CACNA1S: variants seen among roughly 807,000 people sequenced by gnomAD.
CACNA1S encodes calcium voltage-gated channel subunit alpha1 S.
Under a neutral mutation model 207.4 loss-of-function variants are expected in CACNA1S, and 126 were observed. The ratio of observed to expected loss-of-function variants is 0.61; its 90% CI spans 0.53 to 0.70. CACNA1S has a LOEUF of 0.70. CACNA1S is among the 30% of genes least tolerant of loss of function. CACNA1S has a pLI of 0.00. For missense variants in CACNA1S, 2,349 were observed against 2,422.8 expected, an observed-to-expected ratio of 0.97 and a Z score of 0.64; for synonymous variants, 960 against 932.7, an observed-to-expected ratio of 1.03 and a Z score of -0.53.
intron 28 of CACNA1S, 125 bp from the exon 29 acceptor site, chr1:201,054,686 C>A (rs1484819539): frequency 3.1e-5 from 10 of 325,744 alleles, no homozygotes; most frequent in Middle Eastern, 9.7e-4. Context: ...GAAAAAGAGG[C>A]AGGGGCTAAA....
Position 201,084,038 on chromosome 1 carries a change from A to C in CACNA1S, c.1233-716T>G, listed in dbSNP as rs981691426. Among the ~76,000 whole-genome samples the C allele has an allele frequency of 2.0e-5, 3 of 152,328 alleles. No individual in the cohort carries two copies. The East Asian group carries it at 5.8e-4, about 29-fold the overall frequency. On this transcript the variant is annotated intron_variant, in intron 9 of 43. Coordinates refer to ENST00000362061, the MANE Select transcript of CACNA1S (RefSeq NM_000069.3). ...ACATTATGGCATATTCATCCTGTGG[A>C]ATGTTTTACATCCAAAGATACAAGA...
chr1:201,097,830 A>G (rs1662494935), intron 2 of CACNA1S, among the ~76,000 whole-genome samples: 1 of 152,068 alleles, frequency 6.6e-6, no homozygotes, highest in Admixed American at 6.6e-5. Context: ...GGTGATTCTG[A>G]TGCCCTTCCC....
chr1:201,065,707 T>C, intron 22 of CACNA1S, 131 bp downstream of exon 22: 1 of 714,144 alleles, frequency 1.4e-6, no homozygotes, highest in Non-Finnish European at 2.6e-6. Context: ...TTTTTCAAAA[T>C]AAAATATTCT....
At position 201,062,466 on chromosome 1, in the gene CACNA1S, A is replaced by G; in HGVS notation, c.2902T>C (p.Cys968Arg). ...TDLSKMTEEE[C>R]RGYYYVYKDG... Reference sequence around the variant, plus strand: ...TGTGCTCCCTGCCCCATGTACCTGCACTCCTCCTCTGTCATCTTGGACAAG... The same window carrying G: ...TGTGCTCCCTGCCCCATGTACCTGCGCTCCTCCTCTGTCATCTTGGACAAG... The change falls in exon 23 of 44, where the codon TGC becomes CGC. Residue 968 changes from cysteine to arginine, a missense_variant. By Grantham distance (180) the Cys-to-Arg change is radical. Transcript: ENST00000362061. 6.2e-7 allele frequency: 1 copy of G among 1,610,870 alleles called. No individual in the cohort carries two copies. Among genetic ancestry groups the G allele is most frequent in the Non-Finnish European group, 8.5e-7 (1 of 1,179,208 alleles).
chr1:201,105,052 C>T (rs960445942), intron 2 of CACNA1S, among the ~76,000 whole-genome samples: 3 of 152,250 alleles, frequency 2.0e-5, no homozygotes, highest in Admixed American at 2.0e-4. Context: ...ATTGTTGCTG[C>T]TGCTGCTGCT....
Position 201,083,170 on chromosome 1 carries a change from C to G in CACNA1S, c.1385G>C (p.Arg462Pro), listed in dbSNP as rs146696298. The G allele has an allele frequency of 6.2e-7, 1 of 1,614,102 alleles. No individual in the cohort carries two copies. The highest frequency in any genetic ancestry group is 8.5e-7 in the Non-Finnish European group (1 of 1,180,026). Reference protein sequence around the residue: ...EHHNQPLWLTRLQDIANRVLL... With the variant: ...EHHNQPLWLTPLQDIANRVLL... The stretch of plus-strand genomic sequence containing the variant: ...ACTCCGTTCCGCCTCACCTTGCAAA[C>G]GGGTCAGCCAGAGAGGCTGGTTGTG... Residue 462 changes from arginine (R) to proline (P), a missense_variant, in exon 10 of 44, where the codon CGT becomes CCT. Coordinates refer to ENST00000362061, the MANE Select transcript of CACNA1S (RefSeq NM_000069.3).
chr1:201,101,736 T>C (rs1662674495), intron 2 of CACNA1S, among the ~76,000 whole-genome samples: 1 of 152,200 alleles, frequency 6.6e-6, no homozygotes, highest in African/African-American at 2.4e-5. Context: ...CTGCCTTGTG[T>C]CTCAGGTCTT....
chr1:201,050,895 G>A, intron 33 of CACNA1S, 89 bp downstream of exon 33: 3 of 1,379,130 alleles, frequency 2.2e-6, no homozygotes, highest in Admixed American at 3.4e-5. Flanking sequence ...CAGGAGAGGT[G>A]GAAACTGGCC....
At chr1:201,095,693 TAATGTGATGATTAA>T (rs1316979301) in intron 2 of CACNA1S, among the ~76,000 whole-genome samples, 1 of 152,208 alleles carries the variant, frequency 6.6e-6, no homozygotes, top group African/African-American at 2.4e-5. Context: ...CAGAAAATGG[TAATGTGATGATTAA>T]AATGCAAAGC....
chr1:201,111,583 C>T (rs1663105919), intron 1 of CACNA1S, among the ~76,000 whole-genome samples: 1 of 152,170 alleles, frequency 6.6e-6, no homozygotes. Context: ...CATTTCTCCC[C>T]TTGGCTCTGT....
chr1:201,105,889 T>C (rs781454996), intron 2 of CACNA1S, among the ~76,000 whole-genome samples: 36 of 152,150 alleles, frequency 2.4e-4, no homozygotes, highest in Non-Finnish European at 4.0e-4. Context: ...ACACGGCAAC[T>C]GAGGGAAGCC....
chr1:201,103,402 A>G (rs1662752924), intron 2 of CACNA1S, among the ~76,000 whole-genome samples: 2 of 152,146 alleles, frequency 1.3e-5, no homozygotes, highest in Admixed American at 1.3e-4. Context: ...CCAGGGAGCT[A>G]GCAAAGCTTG....
intron 38 of CACNA1S, among the ~76,000 whole-genome samples, chr1:201,045,092 A>G (rs1479548235): frequency 6.6e-6 from 1 of 152,214 alleles, no homozygotes; most frequent in Non-Finnish European, 1.5e-5. Context: ...TTGATTGGAT[A>G]TGTCATATAT....
chr1:201,082,359 G>A (rs1457954693), intron 10 of CACNA1S, among the ~76,000 whole-genome samples: 22 of 152,152 alleles, frequency 1.4e-4, no homozygotes, highest in Admixed American at 1.4e-3. Flanking sequence ...CACAAGAATG[G>A]CCTAACACAA....
At position 201,053,332 on chromosome 1, in the gene CACNA1S, C is replaced by G. The variant is rs1660724189; in HGVS notation, c.3796-58G>C. ...TTAGGGCTCCACTGTGTGTCTGCAG[C>G]CCTGCCCTCTGTTAGCTCCCCAGGG... On this transcript the variant is annotated intron_variant, in intron 30 of 43. Coordinates refer to ENST00000362061, the MANE Select transcript of CACNA1S (RefSeq NM_000069.3). The surrounding 1 kb of genome is among the most constrained non-coding windows in gnomAD (Gnocchi z 5.1). 1 of 1,611,608 alleles carries G rather than the reference C, an allele frequency of 6.2e-7. No individual in the cohort carries two copies. Among genetic ancestry groups the G allele is most frequent in the Admixed American group, 1.7e-5 (1 of 59,952 alleles).
At chr1:201,100,405 C>T (rs1662609774) in intron 2 of CACNA1S, among the ~76,000 whole-genome samples, 1 of 152,252 alleles carries the variant, frequency 6.6e-6, no homozygotes, top group Non-Finnish European at 1.5e-5. Context: ...CTGGCATCTC[C>T]ACAAACACCT....
chr1:201,079,598 C>T (rs183235451), intron 10 of CACNA1S, among the ~76,000 whole-genome samples: 149 of 145,898 alleles, frequency 1.0e-3, no homozygotes, highest in African/African-American at 3.6e-3. Context: ...AATCGCAGAG[C>T]GCTTTGACCG....
At position 201,066,015 on chromosome 1, in the gene CACNA1S, C is replaced by T; in HGVS notation, c.2746-70G>A. On this transcript the variant is annotated intron_variant, in intron 21 of 43. Coordinates refer to ENST00000362061, the MANE Select transcript of CACNA1S (RefSeq NM_000069.3). This position sits in a 1 kb window ranked among gnomAD's most constrained non-coding sequence, Gnocchi z 4.3. ...AACCCTGCTAGCCCAGTTGAGGAAACCCCAGGAGTGCAAGACTTGCTGCCT... is the reference window on the plus strand; with the variant it reads ...AACCCTGCTAGCCCAGTTGAGGAAATCCCAGGAGTGCAAGACTTGCTGCCT... 1 of 1,182,388 alleles carries T rather than the reference C, an allele frequency of 8.5e-7. No homozygotes were observed. 73.2% of individuals were successfully genotyped at this position (1,182,388 alleles called of 1,614,324 possible).
chr1:201,112,381 A>G lies in CACNA1S; in HGVS notation c.-42T>C, dbSNP rs1175654123. On this transcript the variant is annotated 5_prime_UTR_variant, in exon 1 of 44. Coordinates refer to ENST00000362061, the MANE Select transcript of CACNA1S (RefSeq NM_000069.3). The stretch of plus-strand genomic sequence containing the variant: ...TGGCTTTCTCCTGCTCCCCCACCCC[A>G]GTGCTTTCCCTTCCCTGTGTCCCCA... 6.2e-7 allele frequency: 1 copy of G among 1,613,006 alleles called. No homozygotes were observed.
Sources: gnomAD v4.1 joint callset for allele counts (sites outside exome capture counted in the v4.1 genomes callset) on GRCh38, gnomAD v4.1.1 for gene constraint, Gnocchi (gnomAD v3.1) non-coding constraint, MANE v1.5 for transcripts, NCBI Gene and HGNC (gene_info 2026-07-23, HGNC 2026-07-21) for gene names.